Variants in N4BP2 observed in about 807,000 individuals in gnomAD.
N4BP2 encodes the protein NEDD4 binding protein 2.
In N4BP2, 91 loss-of-function variants were observed where a neutral mutation model predicts 152.8. That is an observed-to-expected ratio of 0.60 (90% CI 0.50 to 0.71). The LOEUF (loss-of-function observed/expected upper bound fraction) is 0.71, where lower values mean the gene tolerates loss of function less well. Ranked by LOEUF, N4BP2 falls within the 30% of genes least tolerant of loss-of-function variation. The pLI, the probability that N4BP2 is intolerant of heterozygous loss-of-function variation, is 0.00. For synonymous variants in N4BP2, 646 were observed against 705.3 expected (o/e 0.92, Z 1.33); for missense variants, 1,923 against 2,059.1 (o/e 0.93, Z 1.28).
the N4BP2 span, among the ~76,000 whole-genome samples, chr4:40,180,053 C>A: frequency 1.3e-5 from 2 of 152,002 alleles, no homozygotes; most frequent in African/African-American, 4.8e-5. Context: ...CATGAGCCAC[C>A]GCGCCTGGCC....
intron 16 of N4BP2, among the ~76,000 whole-genome samples, chr4:40,151,019 T>A (rs939466029): frequency 1.3e-5 from 2 of 152,194 alleles, no homozygotes; most frequent in Non-Finnish European, 2.9e-5. Flanking sequence ...GAAAAATGAG[T>A]TAAACAGTCC....
intron 16 of N4BP2, among the ~76,000 whole-genome samples, chr4:40,146,697 A>G (rs1230441205): frequency 6.6e-6 from 1 of 152,152 alleles, no homozygotes; most frequent in Non-Finnish European, 1.5e-5. Flanking sequence ...ACTTACTCTC[A>G]TAGCAAATTT....
intron 16 of N4BP2, among the ~76,000 whole-genome samples, chr4:40,148,444 AGAGAGGGAGAGGGAGACTGTGGG>A (rs1269677816): frequency 1.5e-5 from 2 of 131,438 alleles, no homozygotes; most frequent in African/African-American, 2.7e-5. Context: ...GACCGTGGAA[AGAGAGGGAGAGGGAGACTGTGGG>A]GAGAGGGAGA....
the N4BP2 span, among the ~76,000 whole-genome samples, chr4:40,179,922 G>A: frequency 6.6e-5 from 10 of 151,684 alleles, no homozygotes; most frequent in Non-Finnish European, 1.5e-4. Context: ...GCGCCACCAC[G>A]CCCGGCTACT....
At chr4:40,071,859 C>T (rs1196169380) in intron 1 of N4BP2, among the ~76,000 whole-genome samples, 1 of 152,004 alleles carries the variant, frequency 6.6e-6, no homozygotes, top group Non-Finnish European at 1.5e-5. Context: ...AGCCACTGCC[C>T]CCGGCCTCAA....
Position 40,083,709 on chromosome 4 carries a change from G to A in N4BP2, c.-115+10158G>A, listed in dbSNP as rs559207052. 7.2e-5 allele frequency among the ~76,000 whole-genome samples: 11 copies of A among 152,286 alleles called. No homozygotes were observed. The East Asian group carries it at 1.9e-3, about 27-fold the overall frequency. On this transcript the variant is annotated intron_variant, in intron 2 of 17. Coordinates refer to ENST00000261435, the MANE Select transcript of N4BP2 (RefSeq NM_018177.6). Reference sequence around the variant, plus strand: ...GAATGGGAATGGTTACTAATGGGTGGTGGGGTTTCTTCTTGAGTTAATAGA... The same window carrying A: ...GAATGGGAATGGTTACTAATGGGTGATGGGGTTTCTTCTTGAGTTAATAGA...
At chr4:40,129,734 G>A (rs1313172611) in intron 12 of N4BP2, among the ~76,000 whole-genome samples, 1 of 152,028 alleles carries the variant, frequency 6.6e-6, no homozygotes, top group Non-Finnish European at 1.5e-5. Context: ...GCCTCTCAAA[G>A]TGCTGGGATT....
chr4:40,178,390 C>T, the N4BP2 span, among the ~76,000 whole-genome samples: 2 of 150,754 alleles, frequency 1.3e-5, no homozygotes, highest in African/African-American at 4.9e-5. Context: ...GTAGGAAAAC[C>T]TCCGGCAAGA....
chr4:40,115,759 T>C (rs1470672965), intron 7 of N4BP2, among the ~76,000 whole-genome samples: 1 of 152,188 alleles, frequency 6.6e-6, no homozygotes, highest in Non-Finnish European at 1.5e-5. Context: ...AAGATTTTTT[T>C]GGCCTAGTTA....
chr4:40,099,863 T>C (rs1715458656), intron 3 of N4BP2, among the ~76,000 whole-genome samples: 1 of 152,168 alleles, frequency 6.6e-6, no homozygotes, highest in South Asian at 2.1e-4. Flanking sequence ...ATTTTTTTCA[T>C]AGAAATACTC....
At chr4:40,141,553 A>T (rs902363868) in intron 14 of N4BP2, among the ~76,000 whole-genome samples, 5 of 143,678 alleles carry the variant, frequency 3.5e-5, no homozygotes, top group African/African-American at 1.3e-4. Context: ...GGCGCTCCTC[A>T]CTTCTTAGAT....
rs750125465 is a variant in N4BP2 at position 40,117,924 on chromosome 4, C to G, written c.1720C>G (p.Gln574Glu). 1 of 1,612,426 alleles carries G rather than the reference C, an allele frequency of 6.2e-7. No homozygotes were observed. Among genetic ancestry groups the G allele is most frequent in the African/African-American group, 1.3e-5 (1 of 74,842 alleles). Residue 574 changes from glutamine to glutamate, a missense_variant, in exon 8 of 18, where the codon CAA becomes GAA. Transcript: ENST00000261435. ...EKITRMLEHY[Q>E]RFVSVPIIMS... ...AATAACAAGAATGTTGGAACATTAT[C>G]AACGTTTTGTTTCAGTGCCAATAAT...
intron 2 of N4BP2, among the ~76,000 whole-genome samples, chr4:40,085,434 T>C (rs1713845429): frequency 6.6e-6 from 1 of 152,178 alleles, no homozygotes; most frequent in South Asian, 2.1e-4. Flanking sequence ...TGTAAATTTG[T>C]TAGCATGTTG....
At chr4:40,118,633 C>T (rs1033171499) in intron 8 of N4BP2, among the ~76,000 whole-genome samples, 9 of 152,230 alleles carry the variant, frequency 5.9e-5, no homozygotes, top group East Asian at 1.9e-4. Context: ...ACTTGACGCT[C>T]GCTGCTAATC....
Position 40,117,970 on chromosome 4 carries a change from A to G in N4BP2, c.1766A>G (p.Glu589Gly). 6.2e-7 allele frequency: 1 copy of G among 1,612,858 alleles called. No individual in the cohort carries two copies. Among genetic ancestry groups the G allele is most frequent in the Non-Finnish European group, 8.5e-7 (1 of 1,179,336 alleles). ...ATAATTATGAGTTCTTCGGTTCCAGAGAAAATTGAACGTATTGAGTTGTGT... is the reference window on the plus strand; with the variant it reads ...ATAATTATGAGTTCTTCGGTTCCAGGGAAAATTGAACGTATTGAGTTGTGT... ...VPIIMSSSVPEKIERIELCAY... is the reference protein window; with the variant it reads ...VPIIMSSSVPGKIERIELCAY... Residue 589 changes from glutamate (E) to glycine (G), a missense_variant, in exon 8 of 18, where the codon GAG becomes GGG. Transcript: ENST00000261435.
chr4:40,152,579 G>A (rs1721237723), intron 16 of N4BP2, among the ~76,000 whole-genome samples: 2 of 152,172 alleles, frequency 1.3e-5, no homozygotes, highest in Admixed American at 1.3e-4. Flanking sequence ...ATGAGGCTAT[G>A]TGTTTTAAAA....
At chr4:40,132,615 T>C (rs1265968197) in intron 13 of N4BP2, among the ~76,000 whole-genome samples, 2 of 152,180 alleles carry the variant, frequency 1.3e-5, no homozygotes, top group Non-Finnish European at 2.9e-5. Flanking sequence ...GTTTTAATTA[T>C]TGTAGTGTTA....
the N4BP2 span, among the ~76,000 whole-genome samples, chr4:40,163,900 T>C: frequency 6.6e-6 from 1 of 152,204 alleles, no homozygotes; most frequent in Non-Finnish European, 1.5e-5. Flanking sequence ...GCGAAATCTT[T>C]CCCGGCTATT....
rs919925329 is a variant in N4BP2, at chr4:40,103,333, G to A, written c.1373+115G>A. The A allele has an allele frequency of 2.4e-5, 21 of 878,846 alleles. No individual in the cohort carries two copies. In the African/African-American group the frequency reaches 3.4e-4, roughly 14 times the overall value. The allele number at this position is 878,846 out of a possible 1,614,324, so 54.4% of individuals were successfully genotyped here. A position where few individuals can be genotyped will look rare whatever the true frequency, so the allele number is the denominator to read the frequency against. ...AGAGATCTTTAGTAACCCCTAAAAT[G>A]TTTTCTTTTTACTAAGGTTTCCTAA... On this transcript the variant is annotated intron_variant, in intron 4 of 17. Coordinates refer to ENST00000261435, the MANE Select transcript of N4BP2 (RefSeq NM_018177.6).
Sources: gnomAD v4.1 joint callset for allele counts (sites outside exome capture counted in the v4.1 genomes callset) on GRCh38, gnomAD v4.1.1 for gene constraint, MANE v1.5 for transcripts, NCBI Gene and HGNC (gene_info 2026-07-23, HGNC 2026-07-21) for gene names.